The following WWC1 variants were observed in gnomAD, a reference collection of about 807,000 sequenced individuals.
The protein encoded by WWC1 is protein KIBRA.
A neutral mutation model predicts 138.4 loss-of-function variants in WWC1; 55 were observed. The ratio of observed to expected loss-of-function variants is 0.40; its 90% CI spans 0.32 to 0.50. The LOEUF is 0.50. Among genes scored for constraint, WWC1 ranks in the 20% least tolerant of loss-of-function variants. WWC1 has a pLI of 0.72. For synonymous variants in WWC1, 524 were observed against 564.9 expected (o/e 0.93, Z 1.03); for missense variants, 1,226 against 1,420.4 (o/e 0.86, Z 2.20).
At chr5:168,339,913 C>T (rs1413334042) in intron 1 of WWC1, among the ~76,000 whole-genome samples, 1 of 140,612 alleles carries the variant, frequency 7.1e-6, no homozygotes, top group African/African-American at 3.0e-5. Context: ...CTCTTTCTCT[C>T]TCTCTCTCTC....
chr5:168,359,858 G>A (rs531059177), intron 1 of WWC1, among the ~76,000 whole-genome samples: 1 of 152,162 alleles, frequency 6.6e-6, no homozygotes, highest in Admixed American at 6.5e-5. Context: ...ATTGTCCTTT[G>A]TGCCCTTAAG....
rs796347858 is a variant in WWC1, at chr5:168,326,216, C to CTTTT, written c.119+33960_119+33963dup. 7.2e-3 allele frequency among the ~76,000 whole-genome samples: 818 copies of CTTTT among 113,208 alleles called. 18 individuals are homozygous for CTTTT. The highest frequency in any genetic ancestry group is 0.026 in the African/African-American group (762 of 29,086). 74.3% of individuals were successfully genotyped at this position (113,208 alleles called of 152,430 possible). ...TGGCTCAGGACACCGACCTGATAGT[C>CTTTT]TTTTTTTTTTTTTTTTTTGGGACGG... On this transcript the variant is annotated intron_variant, in intron 1 of 22. Coordinates refer to ENST00000265293, the MANE Select transcript of WWC1 (RefSeq NM_015238.3).
At chr5:168,389,597 G>GTTTTTTT (rs55873477) in intron 3 of WWC1, among the ~76,000 whole-genome samples, 2 of 129,332 alleles carry the variant, frequency 1.5e-5, no homozygotes, top group African/African-American at 6.0e-5. Flanking sequence ...TTGAATTTTT[G>GTTTTTTT]TTTTTTTTTT....
intron 1 of WWC1, among the ~76,000 whole-genome samples, chr5:168,306,679 C>T (rs949167468): frequency 6.6e-6 from 1 of 152,186 alleles, no homozygotes; most frequent in African/African-American, 2.4e-5. Flanking sequence ...TGACTGCAAC[C>T]TCTGCCTCCT....
intron 2 of WWC1, among the ~76,000 whole-genome samples, chr5:168,378,242 A>T (rs1417346070): frequency 6.6e-6 from 1 of 152,198 alleles, no homozygotes; most frequent in African/African-American, 2.4e-5. Context: ...ATGGGTACTT[A>T]TCGACATAAA....
intron 5 of WWC1, among the ~76,000 whole-genome samples, chr5:168,403,044 T>A (rs1453912741): frequency 7.7e-6 from 1 of 130,716 alleles, no homozygotes; most frequent in Non-Finnish European, 1.6e-5. Context: ...CTTTCTTTCT[T>A]TCTTTCTTTC....
At chr5:168,388,960 G>A (rs1778251477) in intron 3 of WWC1, among the ~76,000 whole-genome samples, 4 of 152,144 alleles carry the variant, frequency 2.6e-5, no homozygotes, top group Non-Finnish European at 5.9e-5. Context: ...CCACCCTAAT[G>A]AGAGAAAGAA....
chr5:168,454,004 C>G lies in WWC1; in HGVS notation c.2562C>G (p.Ala854=), dbSNP rs181309891. Reference sequence around the variant, plus strand: ...AGACCAGTGAGAATGAGGCAGTAGCCGAGGAAGAGGAGGAGGAGGTGGAGG... The same window carrying G: ...AGACCAGTGAGAATGAGGCAGTAGCGGAGGAAGAGGAGGAGGAGGTGGAGG... ...YEETSENEAV[A]EEEEEEVEEE... is the part of the protein sequence containing the mutation. The change falls in exon 18 of 23, where the codon GCC becomes GCG. Residue 854 remains alanine, a synonymous_variant. Coordinates refer to ENST00000265293, the MANE Select transcript of WWC1 (RefSeq NM_015238.3). 1 of 1,604,700 alleles carries G rather than the reference C, an allele frequency of 6.2e-7. No individual in the cohort carries two copies. The highest frequency in any genetic ancestry group is 8.5e-7 in the Non-Finnish European group (1 of 1,179,124).
intron 2 of WWC1, among the ~76,000 whole-genome samples, chr5:168,378,085 C>A (rs1777357479): frequency 6.6e-6 from 1 of 152,180 alleles, no homozygotes. Context: ...CCATGGAATA[C>A]TATACAGTCA....
At chr5:168,318,437 C>T (rs1054451430) in intron 1 of WWC1, among the ~76,000 whole-genome samples, 12 of 152,090 alleles carry the variant, frequency 7.9e-5, no homozygotes, top group East Asian at 3.8e-4. Context: ...ATCTTTAGAA[C>T]GCTCTTCATC....
intron 17 of WWC1, among the ~76,000 whole-genome samples, chr5:168,449,241 TG>T (rs1362592693): frequency 1.3e-5 from 2 of 152,222 alleles, no homozygotes; most frequent in African/African-American, 4.8e-5. Context: ...AAGTTGGGTT[TG>T]TGGTTTTTTT....
chr5:168,410,478 G>A (rs1253296795), intron 8 of WWC1, among the ~76,000 whole-genome samples: 1 of 152,234 alleles, frequency 6.6e-6, no homozygotes, highest in Admixed American at 6.5e-5. Context: ...AAGCAATCAG[G>A]TTCCACTACC....
intron 1 of WWC1, among the ~76,000 whole-genome samples, chr5:168,294,187 A>G (rs1281814815): frequency 6.6e-6 from 1 of 152,174 alleles, no homozygotes; most frequent in Non-Finnish European, 1.5e-5. Flanking sequence ...ACCCTTGGAA[A>G]AGGGTAAGTA....
chr5:168,459,866 A>C (rs2337211), intron 19 of WWC1, among the ~76,000 whole-genome samples: 70,143 of 151,942 alleles, frequency 0.46, 16,808 homozygotes, highest in African/African-American at 0.56. Flanking sequence ...CGAGAAAGAA[A>C]TCCCCACTCT....
Position 168,372,886 on chromosome 5 carries a change from T to G in WWC1, c.229+1353T>G, listed in dbSNP as rs1355314154. On this transcript the variant is annotated intron_variant, in intron 2 of 22. Transcript: ENST00000265293. ...CCAGGCCTTTGCCTGGTAAGGCACATAGTAGGTGTGAACTTAACCTGTGCT... is the reference window on the plus strand; with the variant it reads ...CCAGGCCTTTGCCTGGTAAGGCACAGAGTAGGTGTGAACTTAACCTGTGCT... 2.0e-5 allele frequency among the ~76,000 whole-genome samples: 3 copies of G among 152,208 alleles called. No individual in the cohort carries two copies. The South Asian group carries it at 6.2e-4, about 31-fold the overall frequency.
chr5:168,385,527 G>A, intron 3 of WWC1, 113 bp downstream of exon 3: 4 of 1,080,358 alleles, frequency 3.7e-6, no homozygotes, highest in Non-Finnish European at 5.3e-6. Flanking sequence ...TCTACTCTTT[G>A]TCCAAACCAC....
chr5:168,337,256 C>A (rs555497078), intron 1 of WWC1, among the ~76,000 whole-genome samples: 1 of 152,210 alleles, frequency 6.6e-6, no homozygotes, highest in Non-Finnish European at 1.5e-5. Context: ...CATCCATATA[C>A]CCCACTCTCC....
intron 1 of WWC1, among the ~76,000 whole-genome samples, chr5:168,327,821 C>T (rs974093330): frequency 6.6e-6 from 1 of 152,164 alleles, no homozygotes; most frequent in Admixed American, 6.5e-5. Context: ...AATATAAGCT[C>T]GTGTTGGCAG....
intron 1 of WWC1, among the ~76,000 whole-genome samples, chr5:168,293,528 G>C (rs1395116451): frequency 1.3e-5 from 2 of 152,082 alleles, no homozygotes; most frequent in African/African-American, 4.8e-5. Context: ...TTCATTCAGC[G>C]CTTCCTGGAT....
Sources: gnomAD v4.1 joint callset for allele counts (sites outside exome capture counted in the v4.1 genomes callset) on GRCh38, gnomAD v4.1.1 for gene constraint, MANE v1.5 for transcripts, NCBI Gene and HGNC (gene_info 2026-07-23, HGNC 2026-07-21) for gene names.